CACNA2D1: variants seen among roughly 807,000 people sequenced by gnomAD.
The protein encoded by CACNA2D1 is calcium voltage-gated channel auxiliary subunit alpha2delta 1, also known as voltage-dependent calcium channel subunit alpha-2/delta-1.
A neutral mutation model predicts 171.5 loss-of-function variants in CACNA2D1; 53 were observed. That is an observed-to-expected ratio of 0.31 (90% CI 0.25 to 0.39). CACNA2D1 has a LOEUF of 0.39. Ranked by LOEUF, CACNA2D1 falls within the 10% of genes least tolerant of loss-of-function variation. The probability of loss-of-function intolerance (pLI) is 1.00; values close to 1 mark genes in which losing one functional copy is unlikely to be tolerated. For missense variants in CACNA2D1, 903 were observed against 1,299.8 expected, an observed-to-expected ratio of 0.69 and a Z score of 4.69; for synonymous variants, 442 against 443.1, an observed-to-expected ratio of 1.00 and a Z score of 0.03.
At chr7:82,049,239 ATG>A (rs1452529318) in intron 10 of CACNA2D1, among the ~76,000 whole-genome samples, 1 of 151,030 alleles carries the variant, frequency 6.6e-6, no homozygotes, top group African/African-American at 2.4e-5. Flanking sequence ...TAATTTCTTT[ATG>A]TCTTTTAAAT....
In CACNA2D1 at chr7:82,175,259, G is replaced by T. The variant is rs577875078; in HGVS notation, c.295-4650C>A. On this transcript the variant is annotated intron_variant, in intron 3 of 38. Coordinates refer to ENST00000356860, the MANE Select transcript of CACNA2D1 (RefSeq NM_000722.4). ...TACTCTTGTTTATATACAAAGATTT[G>T]ACTTACAGACACCATTTAAACAAAT... Among the ~76,000 whole-genome samples the T allele has an allele frequency of 9.2e-5, 14 of 151,916 alleles. 1 individual carries two copies. The East Asian group carries it at 1.9e-3, about 21-fold the overall frequency.
At chr7:82,158,000 A>G (rs1166211144) in intron 4 of CACNA2D1, among the ~76,000 whole-genome samples, 1 of 151,884 alleles carries the variant, frequency 6.6e-6, no homozygotes, top group Non-Finnish European at 1.5e-5. Context: ...ATGTTTACAT[A>G]TATATATTCA....
intron 6 of CACNA2D1, among the ~76,000 whole-genome samples, chr7:82,091,887 T>TA (rs1309335365): frequency 6.6e-6 from 1 of 152,148 alleles, no homozygotes; most frequent in East Asian, 1.9e-4. Context: ...TCTATTCGTC[T>TA]AAAAAAATGA....
intron 9 of CACNA2D1, 90 bp downstream of exon 9, chr7:82,064,214 A>T: frequency 1.2e-6 from 1 of 853,514 alleles, no homozygotes; most frequent in Non-Finnish European, 1.9e-6. Context: ...TTTTTAACCT[A>T]TCAAACCTTT....
chr7:81,998,559 A>G (rs915704976), intron 18 of CACNA2D1, among the ~76,000 whole-genome samples: 3 of 152,040 alleles, frequency 2.0e-5, no homozygotes, highest in Non-Finnish European at 2.9e-5. Context: ...TTCCACCTAA[A>G]GATGAAAATT....
At chr7:82,060,876 T>C (rs919373274) in intron 9 of CACNA2D1, among the ~76,000 whole-genome samples, 2 of 152,134 alleles carry the variant, frequency 1.3e-5, no homozygotes, top group African/African-American at 4.8e-5. Context: ...TTAATAGACA[T>C]AGTCATTGCT....
At chr7:82,414,939 T>C (rs1174341009) in intron 1 of CACNA2D1, among the ~76,000 whole-genome samples, 2 of 152,178 alleles carry the variant, frequency 1.3e-5, no homozygotes, top group Admixed American at 6.5e-5. Flanking sequence ...ACTTAAAATG[T>C]CCCAAAATAG....
Position 81,970,903 on chromosome 7 carries a change from A to C in CACNA2D1, c.2142-166T>G, listed in dbSNP as rs1002432282. 1.7e-5 allele frequency: 10 copies of C among 589,934 alleles called. No individual in the cohort carries two copies. In the African/African-American group the frequency reaches 1.9e-4, roughly 11 times the overall value. The allele number at this position is 589,934 out of a possible 1,614,324, so 36.5% of individuals were successfully genotyped here. A position where few individuals can be genotyped will look rare whatever the true frequency, so the allele number is the denominator to read the frequency against. Reference sequence around the variant, plus strand: ...TAAATATCTATTAAATTTGTACTTGAAGGATGTTTAAGGAAGACATCTCAT... The same window carrying C: ...TAAATATCTATTAAATTTGTACTTGCAGGATGTTTAAGGAAGACATCTCAT... On this transcript the variant is annotated intron_variant, in intron 26 of 38. Transcript: ENST00000356860.
intron 1 of CACNA2D1, among the ~76,000 whole-genome samples, chr7:82,383,161 T>C (rs937957448): frequency 6.6e-6 from 1 of 152,166 alleles, no homozygotes; most frequent in East Asian, 1.9e-4. Context: ...AAACAGATCA[T>C]AAGTCATGTT....
rs187049756 is a variant in CACNA2D1, at chr7:82,222,352, T to G, written c.295-51743A>C. On this transcript the variant is annotated intron_variant, in intron 3 of 38. Coordinates refer to ENST00000356860, the MANE Select transcript of CACNA2D1 (RefSeq NM_000722.4). ...GCAGCCAGAAAGAACTATACAAGAC[T>G]ATAGCCATATTACATACTTACCTGT... is the stretch of plus-strand genomic sequence containing the variant. 4.6e-3 allele frequency among the ~76,000 whole-genome samples: 708 copies of G among 152,292 alleles called. 7 individuals carry two copies. The highest frequency in any genetic ancestry group is 0.016 in the African/African-American group (675 of 41,560).
intron 3 of CACNA2D1, among the ~76,000 whole-genome samples, chr7:82,272,539 T>C (rs1034799381): frequency 6.6e-6 from 1 of 152,274 alleles, no homozygotes; most frequent in Non-Finnish European, 1.5e-5. Flanking sequence ...CTTTCTTGAA[T>C]TGCTCACTGT....
intron 10 of CACNA2D1, among the ~76,000 whole-genome samples, chr7:82,052,050 A>AAT (rs1805253700): frequency 6.6e-6 from 1 of 152,218 alleles, no homozygotes; most frequent in African/African-American, 2.4e-5. Flanking sequence ...AAAGAAACTT[A>AAT]GAAAAATAAC....
At chr7:82,193,760 T>C (rs987221667) in intron 3 of CACNA2D1, among the ~76,000 whole-genome samples, 4 of 152,040 alleles carry the variant, frequency 2.6e-5, no homozygotes, top group Non-Finnish European at 4.4e-5. Flanking sequence ...TTGTTTAACA[T>C]AGTAGCCAGT....
At chr7:82,419,436 G>A (rs763031785) in intron 1 of CACNA2D1, among the ~76,000 whole-genome samples, 9 of 151,994 alleles carry the variant, frequency 5.9e-5, no homozygotes, top group Non-Finnish European at 1.0e-4. Flanking sequence ...CCTAATTTCC[G>A]CTCCAGACCC....
At chr7:82,230,317 T>C (rs940371730) in intron 3 of CACNA2D1, among the ~76,000 whole-genome samples, 9 of 152,248 alleles carry the variant, frequency 5.9e-5, no homozygotes, top group African/African-American at 2.2e-4. Context: ...TTCAATGTTA[T>C]GTTTCAGTTT....
intron 3 of CACNA2D1, among the ~76,000 whole-genome samples, chr7:82,241,667 G>A (rs1271849552): frequency 6.6e-6 from 1 of 151,856 alleles, no homozygotes; most frequent in African/African-American, 2.4e-5. Context: ...GGAAGAGAAA[G>A]ACAGTATGTA....
At chr7:82,115,682 T>C (rs1422514665) in intron 6 of CACNA2D1, among the ~76,000 whole-genome samples, 2 of 151,450 alleles carry the variant, frequency 1.3e-5, no homozygotes, top group African/African-American at 2.4e-5. Flanking sequence ...ATAAAATTTA[T>C]AATAAAAAGA....
chr7:82,005,738 G>T lies in CACNA2D1; in HGVS notation c.1515+27C>A, dbSNP rs763551972. Reference sequence around the variant, plus strand: ...AGTACAGAGTTCTAAACTAGAAAGGGTATCAAAAGAGCAAATTTCATCTTA... The same window carrying T: ...AGTACAGAGTTCTAAACTAGAAAGGTTATCAAAAGAGCAAATTTCATCTTA... On this transcript the variant is annotated intron_variant, in intron 17 of 38. Transcript: ENST00000356860. 1.5e-5 allele frequency: 21 copies of T among 1,431,334 alleles called. No homozygotes were observed. In the South Asian group the frequency reaches 1.8e-4, roughly 12 times the overall value. The allele number at this position is 1,431,334 out of a possible 1,614,324, so 88.7% of individuals were successfully genotyped here.
chr7:81,957,615 A>G (rs1321887230), intron 38 of CACNA2D1, among the ~76,000 whole-genome samples: 1 of 152,116 alleles, frequency 6.6e-6, no homozygotes, highest in African/African-American at 2.4e-5. Flanking sequence ...ATACAAGATG[A>G]GATTTCATGC....
Sources: allele counts gnomAD v4.1 joint callset (sites outside exome capture counted in the v4.1 genomes callset), GRCh38; gene constraint gnomAD v4.1.1; transcripts MANE v1.5; gene names NCBI Gene and HGNC (gene_info 2026-07-23, HGNC 2026-07-21).